The following GPR161 variants were observed in gnomAD, a reference collection of about 807,000 sequenced individuals.
GPR161 encodes G protein-coupled receptor 161.
GPR161 carries 25 observed loss-of-function variants against 39.2 expected under a neutral mutation model. The ratio of observed to expected loss-of-function variants is 0.64; its 90% CI spans 0.47 to 0.89. The LOEUF (loss-of-function observed/expected upper bound fraction) is 0.89. Among genes scored for constraint, GPR161 ranks in the 40% least tolerant of loss-of-function variants. The probability of loss-of-function intolerance (pLI) is 0.00; values close to 1 mark genes in which losing one functional copy is unlikely to be tolerated. For synonymous variants in GPR161, 286 were observed against 276.6 expected, an observed-to-expected ratio of 1.03 and a Z score of -0.34; for missense variants, 547 against 677.8, an observed-to-expected ratio of 0.81 and a Z score of 2.14.
chr1:168,107,961 G>A (rs1271670671), intron 1 of GPR161, among the ~76,000 whole-genome samples: 1 of 152,180 alleles, frequency 6.6e-6, no homozygotes, highest in Non-Finnish European at 1.5e-5. Context: ...CCCTGTCTTA[G>A]TCTGTTTGCA....
intron 1 of GPR161, among the ~76,000 whole-genome samples, chr1:168,110,788 G>A (rs1248595795): frequency 6.6e-6 from 1 of 151,916 alleles, no homozygotes; most frequent in Non-Finnish European, 1.5e-5. Flanking sequence ...TCTGGGTGTG[G>A]TGGCGGGCAC....
rs150037460 is a variant in GPR161, at chr1:168,129,743, A to G, written c.-45+6996T>C. ...CCCAAGGGGCTGAAATGAGTTACCCATAGTCATAGACCTAATTACTGACAA... is the reference window on the plus strand; with the variant it reads ...CCCAAGGGGCTGAAATGAGTTACCCGTAGTCATAGACCTAATTACTGACAA... On this transcript the variant is annotated intron_variant, in intron 1 of 5. Transcript: ENST00000682931. Among the ~76,000 whole-genome samples the G allele has an allele frequency of 3.5e-3, 531 of 152,364 alleles. 3 individuals are homozygous for G. The highest frequency in any genetic ancestry group is 0.011 in the African/African-American group (475 of 41,586).
In GPR161 at chr1:168,096,516, C is replaced by G; in HGVS notation, c.1091G>C (p.Arg364Thr). ...RTSRLFSISNRITDLGLSPHL... is the reference protein window; with the variant it reads ...RTSRLFSISNTITDLGLSPHL... The stretch of plus-strand genomic sequence containing the variant: ...AACAATGCCCAAGTTACCTGTGATC[C>G]TGTTGGAAATGCTGAAGAGCCTGGA... Residue 364 changes from arginine (R) to threonine (T), a missense_variant, in exon 3 of 6, where the codon AGG becomes ACG. Coordinates refer to ENST00000682931, the MANE Select transcript of GPR161 (RefSeq NM_001375883.1). The G allele has an allele frequency of 6.2e-7, 1 of 1,613,148 alleles. No individual in the cohort carries two copies. The highest frequency in any genetic ancestry group is 8.5e-7 in the Non-Finnish European group (1 of 1,179,480).
intron 1 of GPR161, among the ~76,000 whole-genome samples, chr1:168,128,327 C>T (rs572458902): frequency 3.3e-4 from 51 of 152,304 alleles, no homozygotes; most frequent in South Asian, 8.3e-4. Flanking sequence ...CTCCAGATCC[C>T]GCACCTCTGG....
intron 1 of GPR161, among the ~76,000 whole-genome samples, chr1:168,109,664 G>A (rs1696935374): frequency 6.6e-6 from 1 of 152,186 alleles, no homozygotes; most frequent in South Asian, 2.1e-4. Context: ...TGCTAATGAG[G>A]GTTCTAAATT....
upstream of GPR161, chr1:168,137,176 GC>G: frequency 1.4e-6 from 2 of 1,385,650 alleles, no homozygotes; most frequent in Non-Finnish European, 1.9e-6. Context: ...CTCTCGGCTC[GC>G]CCCACTTTTC....
rs745685551 is a variant in GPR161, at chr1:168,085,796, T to G, written c.1325A>C (p.Glu442Ala). Residue 442 changes from glutamate (E) to alanine (A), a missense_variant and splice_region_variant, in exon 6 of 6, where the codon GAA (glutamate) becomes GCA (alanine). Glu to Ala is a moderately radical substitution (Grantham distance 107). Transcript: ENST00000682931. ...TFEDEVEQIK[E>A]AAKNSILHVK... is the part of the protein sequence containing the mutation. Reference sequence around the variant, plus strand: ...ATGAAGAATCGAGTTCTTGGCAGCTTCTGAGGGAGAAGGCAGAAAAAAAAG... The same window carrying G: ...ATGAAGAATCGAGTTCTTGGCAGCTGCTGAGGGAGAAGGCAGAAAAAAAAG... 1 of 1,607,748 alleles carries G rather than the reference T, an allele frequency of 6.2e-7. No individual in the cohort carries two copies.
intron 1 of GPR161, among the ~76,000 whole-genome samples, chr1:168,105,994 C>G (rs892379169): frequency 6.6e-6 from 1 of 152,150 alleles, no homozygotes; most frequent in African/African-American, 2.4e-5. Context: ...TGCCTCTACT[C>G]AAACACTCTT....
intron 1 of GPR161, among the ~76,000 whole-genome samples, chr1:168,134,490 T>C (rs933957022): frequency 5.9e-5 from 9 of 152,176 alleles, no homozygotes; most frequent in Non-Finnish European, 1.2e-4. Context: ...TCTAGTTCTG[T>C]TGATGTTTTT....
chr1:168,091,795 T>G (rs1271282809), intron 3 of GPR161, among the ~76,000 whole-genome samples: 1 of 151,998 alleles, frequency 6.6e-6, no homozygotes, highest in Non-Finnish European at 1.5e-5. Flanking sequence ...AAAAGGAACA[T>G]GGAGATAACA....
chr1:168,099,836 T>TGGGGGG (rs201115778), intron 2 of GPR161, among the ~76,000 whole-genome samples: 1 of 95,850 alleles, frequency 1.0e-5, no homozygotes. Flanking sequence ...GTTTTTTTTT[T>TGGGGGG]GGGGGGGGGG....
intron 1 of GPR161, among the ~76,000 whole-genome samples, chr1:168,119,822 G>A (rs969268908): frequency 1.3e-5 from 2 of 152,268 alleles, no homozygotes; most frequent in African/African-American, 2.4e-5. Flanking sequence ...GCCCCAAGCC[G>A]TGGCAGCTTC....
Position 168,090,615 on chromosome 1 carries a change from C to G in GPR161, c.1153G>C (p.Gly385Arg). The part of the protein sequence containing the change: ...TALMAGGQPL[G>R]HSSSTGDTGF... ...GTGTCCCCCGTGCTGCTGCTGTGCC[C>G]CAGGGGCTGTCCACCTGCCATGAGC... Residue 385 changes from glycine to arginine, a missense_variant, in exon 4 of 6, where the codon GGG (glycine) becomes CGG (arginine). Gly to Arg is a moderately radical substitution (Grantham distance 125). Coordinates refer to ENST00000682931, the MANE Select transcript of GPR161 (RefSeq NM_001375883.1). 6.2e-7 allele frequency: 1 copy of G among 1,612,720 alleles called. No homozygotes were observed. Among genetic ancestry groups the G allele is most frequent in the Non-Finnish European group, 8.5e-7 (1 of 1,179,216 alleles).
At chr1:168,128,853 T>TC (rs1401363070) in intron 1 of GPR161, among the ~76,000 whole-genome samples, 2 of 152,136 alleles carry the variant, frequency 1.3e-5, no homozygotes, top group African/African-American at 4.8e-5. Flanking sequence ...GGCTGTCCCC[T>TC]CCCTCCCTCA....
At chr1:168,132,156 G>A (rs373864750) in intron 1 of GPR161, among the ~76,000 whole-genome samples, 6 of 152,026 alleles carry the variant, frequency 3.9e-5, no homozygotes, top group East Asian at 1.9e-4. Flanking sequence ...CCCCAGCTAC[G>A]TGGGAGGCTG....
intron 1 of GPR161, among the ~76,000 whole-genome samples, chr1:168,113,328 A>G (rs927824354): frequency 6.6e-6 from 1 of 152,176 alleles, no homozygotes; most frequent in Non-Finnish European, 1.5e-5. Context: ...TAATAAACCT[A>G]TCAGAAATTA....
At chr1:168,108,399 A>C (rs980394747) in intron 1 of GPR161, among the ~76,000 whole-genome samples, 1 of 149,092 alleles carries the variant, frequency 6.7e-6, no homozygotes, top group African/African-American at 2.5e-5. Flanking sequence ...CAGCAACTCC[A>C]TATCTAAGCA....
intron 1 of GPR161, among the ~76,000 whole-genome samples, chr1:168,107,068 C>CT (rs1696682367): frequency 6.6e-6 from 1 of 151,238 alleles, no homozygotes; most frequent in Non-Finnish European, 1.5e-5. Flanking sequence ...CATGTACCCC[C>CT]AAATCTAAAA....
At chr1:168,112,953 A>G (rs1697344076) in intron 1 of GPR161, among the ~76,000 whole-genome samples, 1 of 152,186 alleles carries the variant, frequency 6.6e-6, no homozygotes, top group African/African-American at 2.4e-5. Context: ...ACAGAGGAGG[A>G]ATGTGGACCT....
Sources: gnomAD v4.1 joint callset for allele counts (sites outside exome capture counted in the v4.1 genomes callset) on GRCh38, gnomAD v4.1.1 for gene constraint, MANE v1.5 for transcripts, NCBI Gene and HGNC (gene_info 2026-07-23, HGNC 2026-07-21) for gene names.